MTCH2: variants seen among roughly 807,000 people sequenced by gnomAD.
The protein encoded by MTCH2 is mitochondrial carrier 2.
MTCH2 carries 25 observed loss-of-function variants against 50.6 expected under a neutral mutation model. That is an observed-to-expected ratio of 0.49 (90% CI 0.36 to 0.69). MTCH2 has a LOEUF of 0.69. Ranked by LOEUF, MTCH2 falls within the 30% of genes least tolerant of loss-of-function variation. MTCH2 has a pLI of 0.00. For synonymous variants in MTCH2, 106 were observed against 132.0 expected (o/e 0.80, Z 1.35); for missense variants, 273 against 384.4 (o/e 0.71, Z 2.42).
intron 3 of MTCH2, 21 bp downstream of exon 3, chr11:47,638,678 T>G (rs369505072): frequency 2.4e-6 from 3 of 1,270,190 alleles, no homozygotes; most frequent in East Asian, 5.9e-5. Context: ...TATGGGAAGA[T>G]TGATTTAATT....
In MTCH2 at chr11:47,639,012, T is replaced by C; in HGVS notation, c.127A>G (p.Ile43Val). The change falls in exon 2 of 13, where the codon ATT becomes GTT. Residue 43 changes from isoleucine to valine, a missense_variant. Coordinates refer to ENST00000302503, the MANE Select transcript of MTCH2 (RefSeq NM_014342.4). ...EPLPPTIGRNIFGRQVCQLPG... is the reference protein window; with the variant it reads ...EPLPPTIGRNVFGRQVCQLPG... Reference sequence around the variant, plus strand: ...AGCTGACACACTTGCCGCCCAAAAATATTTCGTCCTATTGTTGGAGGAAGA... The same window carrying C: ...AGCTGACACACTTGCCGCCCAAAAACATTTCGTCCTATTGTTGGAGGAAGA... 2 of 1,613,748 alleles carry C rather than the reference T, an allele frequency of 1.2e-6. No individual in the cohort carries two copies. Among genetic ancestry groups the C allele is most frequent in the Non-Finnish European group, 1.7e-6 (2 of 1,179,888 alleles).
At chr11:47,635,153 A>G (rs1234941668) in intron 4 of MTCH2, among the ~76,000 whole-genome samples, 1 of 152,050 alleles carries the variant, frequency 6.6e-6, no homozygotes, top group Non-Finnish European at 1.5e-5. Context: ...ATCATGGATC[A>G]CTGCAGTCTT....
downstream of MTCH2, among the ~76,000 whole-genome samples, chr11:47,614,355 C>T (rs1475999178): frequency 6.6e-6 from 1 of 152,226 alleles, no homozygotes; most frequent in Non-Finnish European, 1.5e-5. Flanking sequence ...AGAACTTCTA[C>T]AACAGGCTTG....
chr11:47,628,613 C>T (rs1480436887), intron 9 of MTCH2, among the ~76,000 whole-genome samples: 1 of 152,104 alleles, frequency 6.6e-6, no homozygotes, highest in East Asian at 1.9e-4. Context: ...CTCCTTCTGT[C>T]ACCCAGGCTG....
chr11:47,613,199 T>C (rs1026424886), downstream of MTCH2, among the ~76,000 whole-genome samples: 2 of 151,656 alleles, frequency 1.3e-5, no homozygotes, highest in East Asian at 1.9e-4. Flanking sequence ...CACAGTGTTT[T>C]TGAGACTGTC....
chr11:47,631,636 T>C lies in MTCH2; in HGVS notation c.427+18A>G. On this transcript the variant is annotated intron_variant, in intron 6 of 12. Coordinates refer to ENST00000302503, the MANE Select transcript of MTCH2 (RefSeq NM_014342.4). ...ATCAGGTTATAAAAGAAAGGTCAGT[T>C]GTCAACTGCAAACATACCATGGAAG... 1 of 1,613,748 alleles carries C rather than the reference T, an allele frequency of 6.2e-7. No individual in the cohort carries two copies. The highest frequency in any genetic ancestry group is 8.5e-7 in the Non-Finnish European group (1 of 1,179,738).
chr11:47,631,155 T>G lies in MTCH2; in HGVS notation c.428-68A>C, dbSNP rs138136447. ...CAGGTGCGGTGGCTCACACCTGTAA[T>G]CCCAGCACTTTGAGAGGCCGAGGTG... On this transcript the variant is annotated intron_variant, in intron 6 of 12. Transcript: ENST00000302503. 115 of 1,351,880 alleles carry G rather than the reference T, an allele frequency of 8.5e-5. 1 individual carries two copies. In the African/African-American group the frequency reaches 1.2e-3, roughly 14 times the overall value. The allele number at this position is 1,351,880 out of a possible 1,614,324, so 83.7% of individuals were successfully genotyped here.
intron 5 of MTCH2, among the ~76,000 whole-genome samples, chr11:47,633,597 T>G (rs1364332188): frequency 7.2e-6 from 1 of 139,206 alleles, no homozygotes; most frequent in Non-Finnish European, 1.5e-5. Flanking sequence ...AGTGCAATGG[T>G]GCAATCTTGG....
At position 47,635,712 on chromosome 11, in the gene MTCH2, CTTCAG is replaced by C. The variant is rs199693107; in HGVS notation, c.280-146_280-142del. 1,458 of 675,974 alleles carry C rather than the reference CTTCAG, an allele frequency of 2.2e-3. 17 individuals are homozygous for C. In the African/African-American group the frequency reaches 0.023, roughly 11 times the overall value. The allele number at this position is 675,974 out of a possible 1,614,324, so 41.9% of individuals were successfully genotyped here. Reference sequence around the variant, plus strand: ...TTGTTTTTTTTTTTAAGCTGCAAATCTTCAGTTAACTTCTACTCATTAATCAACTG... The same window carrying C: ...TTGTTTTTTTTTTTAAGCTGCAAATCTTAACTTCTACTCATTAATCAACTG... On this transcript the variant is annotated intron_variant, in intron 3 of 12. Coordinates refer to ENST00000302503, the MANE Select transcript of MTCH2 (RefSeq NM_014342.4).
At chr11:47,619,682 G>A (rs1241663817) in intron 12 of MTCH2, among the ~76,000 whole-genome samples, 2 of 152,034 alleles carry the variant, frequency 1.3e-5, no homozygotes, top group African/African-American at 2.4e-5. Context: ...GGTTCACACC[G>A]GTAATCCTAG....
intron 12 of MTCH2, 36 bp downstream of exon 12, chr11:47,622,660 TAAAAC>T (rs762019790): frequency 4.9e-6 from 7 of 1,433,326 alleles, no homozygotes; most frequent in South Asian, 3.9e-5. Flanking sequence ...TAAATAAAAA[TAAAAC>T]AAAATAAAAT....
chr11:47,619,098 A>G (rs1032596046), intron 12 of MTCH2, among the ~76,000 whole-genome samples, 179 bp from the exon 13 acceptor site: 2 of 152,092 alleles, frequency 1.3e-5, no homozygotes, highest in Non-Finnish European at 2.9e-5. Context: ...ACTAACTACA[A>G]TTTCTCCTTA....
At chr11:47,639,936 G>A (rs528624061) in intron 1 of MTCH2, among the ~76,000 whole-genome samples, 126 of 152,300 alleles carry the variant, frequency 8.3e-4, no homozygotes, top group African/African-American at 3.0e-3. Flanking sequence ...CATGGTCTTT[G>A]TACAATATAC....
At chr11:47,639,922 T>C (rs1488675113) in intron 1 of MTCH2, among the ~76,000 whole-genome samples, 1 of 152,148 alleles carries the variant, frequency 6.6e-6, no homozygotes, top group Non-Finnish European at 1.5e-5. Context: ...TAGTTAATGA[T>C]TACCATGGTC....
At chr11:47,627,010 C>A in intron 10 of MTCH2, 70 bp downstream of exon 10, 1 of 1,208,162 alleles carries the variant, frequency 8.3e-7, no homozygotes, top group South Asian at 1.4e-5. Context: ...TGACACAAGC[C>A]AGATTTAAAA....
chr11:47,632,745 C>T (rs1258153115), intron 5 of MTCH2, among the ~76,000 whole-genome samples: 3 of 151,880 alleles, frequency 2.0e-5, no homozygotes, highest in Non-Finnish European at 2.9e-5. Context: ...GTTGCCCGGG[C>T]TGGAGTGCAG....
chr11:47,629,192 G>A (rs1565968412), intron 8 of MTCH2, 146 bp from the exon 9 acceptor site: 3 of 641,954 alleles, frequency 4.7e-6, no homozygotes, highest in Non-Finnish European at 2.7e-6. Flanking sequence ...AATCCAGCCC[G>A]CATACCTAGT....
downstream of MTCH2, among the ~76,000 whole-genome samples, chr11:47,615,544 T>C (rs1390538182): frequency 2.6e-5 from 4 of 151,806 alleles, no homozygotes; most frequent in Non-Finnish European, 4.4e-5. Context: ...ATTTCTAGAA[T>C]AGGAAATTAT....
Position 47,625,704 on chromosome 11 carries a change from A to T in MTCH2, c.719T>A (p.Val240Asp), listed in dbSNP as rs1183494470. 1 of 1,613,448 alleles carries T rather than the reference A, an allele frequency of 6.2e-7. No individual in the cohort carries two copies. Among genetic ancestry groups the T allele is most frequent in the African/African-American group, 1.3e-5 (1 of 74,940 alleles). Residue 240 changes from valine (V) to aspartate (D), a missense_variant, in exon 11 of 13, where the codon GTC becomes GAC. Val to Asp is a radical substitution (Grantham distance 152, BLOSUM62 -3). Coordinates refer to ENST00000302503, the MANE Select transcript of MTCH2 (RefSeq NM_014342.4). ...ASMLTYPFVL[V>D]SNLMAVNNCG... Reference sequence around the variant, plus strand: ...GTTGTTGACAGCCATAAGATTGGAGACAAGCACAAAGGGATAGGTCAACAT... The same window carrying T: ...GTTGTTGACAGCCATAAGATTGGAGTCAAGCACAAAGGGATAGGTCAACAT...
Sources: allele counts gnomAD v4.1 joint callset (sites outside exome capture counted in the v4.1 genomes callset), GRCh38; gene constraint gnomAD v4.1.1; transcripts MANE v1.5; gene names NCBI Gene and HGNC (gene_info 2026-07-23, HGNC 2026-07-21).